Variants in SLAIN1 observed in about 807,000 individuals in gnomAD.
The protein encoded by SLAIN1 is SLAIN family member 1.
In SLAIN1, 17 loss-of-function variants were observed where a neutral mutation model predicts 55.4. The ratio of observed to expected loss-of-function variants is 0.31; its 90% confidence interval spans 0.21 to 0.46. SLAIN1 has a LOEUF of 0.46. Ranked by LOEUF, SLAIN1 falls within the 20% of genes least tolerant of loss-of-function variation. The pLI is 1.00. For missense variants in SLAIN1, 682 were observed against 785.1 expected (o/e 0.87, Z 1.57); for synonymous variants, 348 against 337.4 (o/e 1.03, Z -0.35).
At chr13:77,747,625 G>A (rs1367108352) in intron 4 of SLAIN1, among the ~76,000 whole-genome samples, 1 of 152,144 alleles carries the variant, frequency 6.6e-6, no homozygotes, top group Non-Finnish European at 1.5e-5. Context: ...TGCAGAGGAT[G>A]CTGCTCTTAC....
intron 1 of SLAIN1, among the ~76,000 whole-genome samples, chr13:77,715,417 A>C (rs560606946): frequency 6.6e-6 from 1 of 152,212 alleles, no homozygotes; most frequent in African/African-American, 2.4e-5. Context: ...TTAAGTCTTC[A>C]TATGAACATG....
chr13:77,759,874 AT>A (rs774545617), intron 5 of SLAIN1, among the ~76,000 whole-genome samples: 1 of 152,144 alleles, frequency 6.6e-6, no homozygotes, highest in African/African-American at 2.4e-5. Flanking sequence ...AATTAAACAC[AT>A]TTTTTAAGGA....
chr13:77,753,099 T>C, intron 4 of SLAIN1, 104 bp from the exon 5 acceptor site: 1 of 1,028,750 alleles, frequency 9.7e-7, no homozygotes, highest in Non-Finnish European at 1.4e-6. Context: ...TAATAATTTG[T>C]ATTTATTATT....
intron 2 of SLAIN1, among the ~76,000 whole-genome samples, chr13:77,727,557 A>C (rs1397101068): frequency 6.6e-6 from 1 of 151,890 alleles, no homozygotes; most frequent in Non-Finnish European, 1.5e-5. Context: ...GTGTTCATTA[A>C]AGTGTTAGTT....
At chr13:77,749,903 G>A (rs1874090225) in intron 4 of SLAIN1, among the ~76,000 whole-genome samples, 1 of 152,156 alleles carries the variant, frequency 6.6e-6, no homozygotes, top group African/African-American at 2.4e-5. Context: ...GCTTAAATAT[G>A]AGTAAAGATT....
intron 1 of SLAIN1, among the ~76,000 whole-genome samples, chr13:77,703,514 A>T (rs985561102): frequency 3.3e-5 from 5 of 152,140 alleles, no homozygotes; most frequent in Non-Finnish European, 7.4e-5. Context: ...GAAGTGTATG[A>T]CGTGTGTTTG....
chr13:77,743,286 G>T, intron 2 of SLAIN1: 1 of 774,516 alleles, frequency 1.3e-6, no homozygotes, highest in Non-Finnish European at 1.8e-6. Context: ...AGTTTGTGCT[G>T]CACACTTACT....
In SLAIN1 at chr13:77,698,803, T is replaced by C; in HGVS notation, c.626+264T>C. On this transcript the variant is annotated intron_variant, in intron 1 of 6. Transcript: ENST00000418532. This position sits in a 1 kb window ranked among gnomAD's most constrained non-coding sequence, Gnocchi z 4.1. ...CCTTCCCCCCATCTGCCATGGGTTC[T>C]GCTATTTGCTGATTGTTGGGTCCCA... 7.3e-7 allele frequency: 1 copy of C among 1,378,248 alleles called. No individual in the cohort carries two copies. Among genetic ancestry groups the C allele is most frequent in the Non-Finnish European group, 9.6e-7 (1 of 1,036,520 alleles). 85.4% of individuals were successfully genotyped at this position (1,378,248 alleles called of 1,614,324 possible). A position where few individuals can be genotyped will look rare whatever the true frequency, so the allele number is the denominator to read the frequency against.
chr13:77,762,084 C>T (rs183770531), intron 6 of SLAIN1, among the ~76,000 whole-genome samples: 1,705 of 152,242 alleles, frequency 0.011, 34 homozygotes, highest in Non-Finnish European at 0.015. Flanking sequence ...TTTCGAAAAA[C>T]AGAAACTATT....
chr13:77,740,042 T>C (rs1873338117), intron 2 of SLAIN1, among the ~76,000 whole-genome samples: 1 of 152,032 alleles, frequency 6.6e-6, no homozygotes, highest in Non-Finnish European at 1.5e-5. Flanking sequence ...AGGTGAAGTA[T>C]AAAGTTTAAC....
intron 2 of SLAIN1, chr13:77,741,484 T>C (rs1369914372): frequency 2.1e-6 from 2 of 964,322 alleles, no homozygotes; most frequent in Non-Finnish European, 2.5e-6. Context: ...CTGGTGTCAA[T>C]TGGCAACCAG....
intron 1 of SLAIN1, among the ~76,000 whole-genome samples, chr13:77,707,032 C>T (rs1000809194): frequency 6.6e-6 from 1 of 151,290 alleles, no homozygotes; most frequent in Non-Finnish European, 1.5e-5. Context: ...CACACTTTCA[C>T]TCTAGAATTG....
At chr13:77,699,702 T>C (rs936352843) in intron 1 of SLAIN1, among the ~76,000 whole-genome samples, 6 of 152,196 alleles carry the variant, frequency 3.9e-5, no homozygotes, top group South Asian at 2.1e-4. Context: ...AATCAAAATA[T>C]ATGGAGTTAC....
chr13:77,727,146 G>A (rs1021426941), intron 2 of SLAIN1, among the ~76,000 whole-genome samples: 1 of 152,176 alleles, frequency 6.6e-6, no homozygotes, highest in African/African-American at 2.4e-5. Context: ...ACTTATTTGA[G>A]TATGCAGTCT....
chr13:77,697,852 G>T lies in SLAIN1; in HGVS notation c.-62G>T. ...GGGAAGGAGCCGTAGCCTCCCCGTG[G>T]CCCGAGGAGCCGGCGCGGCGGCGCG... On this transcript the variant is annotated 5_prime_UTR_variant, in exon 1 of 7. Transcript: ENST00000418532. 1.6e-6 allele frequency: 2 copies of T among 1,258,462 alleles called. No individual in the cohort carries two copies. Among genetic ancestry groups the T allele is most frequent in the South Asian group, 2.2e-5 (1 of 46,276 alleles). The allele number at this position is 1,258,462 out of a possible 1,614,324, so 78.0% of individuals were successfully genotyped here.
chr13:77,761,049 C>T lies in SLAIN1; in HGVS notation c.1636C>T (p.Pro546Ser). ...GIMGRSALPR[P>S]SLAINGSNLP... is the part of the protein sequence containing the mutation. ...AATGGGTCGCAGTGCACTCCCAAGA[C>T]CTTCGTTGGCAATAAATGGGAGTAA... is the stretch of plus-strand genomic sequence containing the variant. Residue 546 changes from proline (P) to serine (S), a missense_variant, in exon 6 of 7, where the codon CCT becomes TCT. This residue lies in a region of SLAIN1 where 244 missense variants were observed against 295.2 expected (regional missense o/e 0.83). Coordinates refer to ENST00000418532, the MANE Select transcript of SLAIN1 (RefSeq NM_001242868.2). The T allele has an allele frequency of 1.2e-6, 2 of 1,614,162 alleles. No individual in the cohort carries two copies. Among genetic ancestry groups the T allele is most frequent in the South Asian group, 2.2e-5 (2 of 91,086 alleles).
At chr13:77,712,505 G>C (rs2091162490) in intron 1 of SLAIN1, among the ~76,000 whole-genome samples, 1 of 152,112 alleles carries the variant, frequency 6.6e-6, no homozygotes, top group African/African-American at 2.4e-5. Context: ...CAACTCACAA[G>C]AAATGTGAAG....
intron 1 of SLAIN1, among the ~76,000 whole-genome samples, chr13:77,716,902 T>C (rs968727934): frequency 1.3e-5 from 2 of 152,070 alleles, no homozygotes; most frequent in African/African-American, 4.8e-5. Flanking sequence ...TTCAGCAGAG[T>C]GTTAAATAGA....
intron 1 of SLAIN1, among the ~76,000 whole-genome samples, chr13:77,718,760 T>C (rs2091232530): frequency 6.6e-6 from 1 of 152,180 alleles, no homozygotes; most frequent in African/African-American, 2.4e-5. Flanking sequence ...AGTTAACTGC[T>C]GTTTATTCCT....
Sources: gnomAD v4.1 joint callset for allele counts (sites outside exome capture counted in the v4.1 genomes callset) on GRCh38, gnomAD v4.1.1 for gene constraint, gnomAD v4.1.1 regional missense constraint, Gnocchi (gnomAD v3.1) non-coding constraint, MANE v1.5 for transcripts, NCBI Gene and HGNC (gene_info 2026-07-23, HGNC 2026-07-21) for gene names.